The following CDH8 variants were observed in gnomAD, a reference collection of about 807,000 sequenced individuals.
CDH8 encodes cadherin 8.
Under a neutral mutation model 68.1 loss-of-function variants are expected in CDH8, and 17 were observed. That is an observed-to-expected ratio of 0.25 (90% CI 0.17 to 0.37). CDH8 has a LOEUF of 0.37. CDH8 is among the 10% of genes least tolerant of loss of function. CDH8 has a pLI of 1.00. For missense variants in CDH8, 763 were observed against 999.3 expected (o/e 0.76, Z 3.19); for synonymous variants, 372 against 365.1 (o/e 1.02, Z -0.21).
chr16:61,677,644 A>G lies in CDH8; in HGVS notation c.1655-21923T>C, dbSNP rs141183367. ...TAGTTGGGCTGGAATTTCAGCCTCT[A>G]TGTAAGTACATCTATCTATTTTCCT... On this transcript the variant is annotated intron_variant, in intron 10 of 11. Transcript: ENST00000577390. 4.6e-5 allele frequency among the ~76,000 whole-genome samples: 7 copies of G among 152,038 alleles called. No homozygotes were observed. The East Asian group carries it at 5.8e-4, about 13-fold the overall frequency.
intron 8 of CDH8, among the ~76,000 whole-genome samples, chr16:61,751,382 TA>T (rs71134375): frequency 0.085 from 4,567 of 53,780 alleles, 63 homozygotes; most frequent in South Asian, 0.097. Context: ...ATATTCTCCT[TA>T]AAAAAAAAAA....
chr16:61,688,458 G>C (rs1222316651), intron 10 of CDH8, among the ~76,000 whole-genome samples: 1 of 151,984 alleles, frequency 6.6e-6, no homozygotes, highest in Non-Finnish European at 1.5e-5. Flanking sequence ...TAGAGGAGGA[G>C]TTTTGCCCTT....
intron 2 of CDH8, among the ~76,000 whole-genome samples, chr16:61,996,638 G>A (rs1051803045): frequency 1.2e-4 from 19 of 152,168 alleles, no homozygotes; most frequent in East Asian, 1.9e-4. Context: ...CCATGGTTCA[G>A]TGGTAATTCA....
intron 3 of CDH8, among the ~76,000 whole-genome samples, chr16:61,875,997 C>T (rs1355315593): frequency 1.3e-5 from 2 of 152,166 alleles, no homozygotes; most frequent in Non-Finnish European, 2.9e-5. Flanking sequence ...CTGCCTCAGC[C>T]TCCTGAGCAG....
chr16:61,933,946 A>G (rs1250792346), intron 2 of CDH8, among the ~76,000 whole-genome samples: 1 of 152,218 alleles, frequency 6.6e-6, no homozygotes, highest in East Asian at 1.9e-4. Context: ...CTAACACATC[A>G]AAACCTGCGA....
chr16:61,652,052 G>T lies in CDH8; in HGVS notation c.*1556C>A, dbSNP rs1170560066. ...ATTTCACAAAGTAGGAAACAATACA[G>T]GAGTTTCTCTGAATACAATACATGG... On this transcript the variant is annotated 3_prime_UTR_variant, in exon 12 of 12. Coordinates refer to ENST00000577390, the MANE Select transcript of CDH8 (RefSeq NM_001796.5). 8 of 877,730 alleles carry T rather than the reference G, an allele frequency of 9.1e-6. No individual in the cohort carries two copies. Among genetic ancestry groups the T allele is most frequent in the Non-Finnish European group, 1.1e-5 (8 of 732,148 alleles). 54.4% of individuals were successfully genotyped at this position (877,730 alleles called of 1,614,324 possible).
chr16:61,837,887 A>G (rs1962600769), intron 4 of CDH8, among the ~76,000 whole-genome samples: 1 of 151,980 alleles, frequency 6.6e-6, no homozygotes, highest in African/African-American at 2.4e-5. Context: ...CCTCCAGGAC[A>G]GAGATAGTTA....
At chr16:61,880,506 G>T (rs1466799730) in intron 3 of CDH8, among the ~76,000 whole-genome samples, 1 of 152,168 alleles carries the variant, frequency 6.6e-6, no homozygotes, top group Non-Finnish European at 1.5e-5. Flanking sequence ...AACTTGTCAT[G>T]ATCAAAAAGA....
chr16:61,715,870 T>A (rs373619244), intron 9 of CDH8, among the ~76,000 whole-genome samples: 11 of 151,792 alleles, frequency 7.2e-5, no homozygotes, highest in African/African-American at 2.2e-4. Context: ...AGTTGACCAC[T>A]TCACCTCAGA....
chr16:62,029,677 C>T (rs555302971), intron 1 of CDH8, among the ~76,000 whole-genome samples: 7 of 152,294 alleles, frequency 4.6e-5, no homozygotes. Flanking sequence ...AAAACATTGC[C>T]TGGTACATAT....
chr16:61,862,310 G>A (rs1963165615), intron 3 of CDH8, among the ~76,000 whole-genome samples: 1 of 152,110 alleles, frequency 6.6e-6, no homozygotes, highest in South Asian at 2.1e-4. Context: ...TATACATTAA[G>A]CAGGAGGCTA....
rs891300912 is a variant in CDH8, at chr16:61,648,931, A to G, written c.*4677T>C. On this transcript the variant is annotated 3_prime_UTR_variant, in exon 12 of 12. Transcript: ENST00000577390. The stretch of plus-strand genomic sequence containing the variant: ...TGTGTTGACTAAAACTACAATGACA[A>G]TAAATGTATTTTTAAATGATAGATC... The G allele has an allele frequency of 1.3e-5, 2 of 152,022 alleles. No homozygotes were observed. The highest frequency in any genetic ancestry group is 4.8e-5 in the African/African-American group (2 of 41,422). 9.4% of individuals were successfully genotyped at this position (152,022 alleles called of 1,614,324 possible).
intron 2 of CDH8, among the ~76,000 whole-genome samples, chr16:61,954,156 G>A (rs1304934106): frequency 6.6e-6 from 1 of 151,892 alleles, no homozygotes; most frequent in Non-Finnish European, 1.5e-5. Context: ...CTCTTTTCAT[G>A]TCAGGGCTTC....
intron 2 of CDH8, among the ~76,000 whole-genome samples, chr16:61,975,727 T>A (rs1179800855): frequency 6.6e-6 from 1 of 152,162 alleles, no homozygotes; most frequent in Non-Finnish European, 1.5e-5. Context: ...AAAAGATAGA[T>A]CTGATCCTAC....
At chr16:61,837,517 A>G (rs2143006863) in intron 4 of CDH8, among the ~76,000 whole-genome samples, 1 of 152,154 alleles carries the variant, frequency 6.6e-6, no homozygotes, top group Non-Finnish European at 1.5e-5. Context: ...ACTGCATATC[A>G]AACACTGTTT....
chr16:61,733,647 T>A (rs986683266), intron 8 of CDH8, among the ~76,000 whole-genome samples: 1 of 151,980 alleles, frequency 6.6e-6, no homozygotes, highest in African/African-American at 2.4e-5. Context: ...ATTAATATGT[T>A]CCTTGGTCTT....
intron 3 of CDH8, among the ~76,000 whole-genome samples, chr16:61,888,276 T>C (rs1963712931): frequency 6.6e-6 from 1 of 152,128 alleles, no homozygotes; most frequent in African/African-American, 2.4e-5. Context: ...GAATTTGAAG[T>C]ATGAGAGACA....
chr16:61,950,834 C>T (rs1964884008), intron 2 of CDH8, among the ~76,000 whole-genome samples: 1 of 151,964 alleles, frequency 6.6e-6, no homozygotes, highest in Admixed American at 6.6e-5. Context: ...TAAGTGGAAG[C>T]TAAATGATGA....
At chr16:61,763,754 T>G (rs1057154461) in intron 8 of CDH8, among the ~76,000 whole-genome samples, 5 of 152,126 alleles carry the variant, frequency 3.3e-5, no homozygotes, top group Non-Finnish European at 7.4e-5. Context: ...TTTTTAATTC[T>G]TTTGTTGAAT....
Sources: allele counts gnomAD v4.1 joint callset (sites outside exome capture counted in the v4.1 genomes callset), GRCh38; gene constraint gnomAD v4.1.1; transcripts MANE v1.5; gene names NCBI Gene and HGNC (gene_info 2026-07-23, HGNC 2026-07-21).